The following GAD2 variants were observed in gnomAD, a reference collection of about 807,000 sequenced individuals.
GAD2 encodes 65 kDa glutamic acid decarboxylase.
A neutral mutation model predicts 80.1 loss-of-function variants in GAD2; 22 were observed. That is an observed-to-expected ratio of 0.27 (90% CI 0.20 to 0.39). The LOEUF is 0.39. GAD2 is among the 10% of genes least tolerant of loss of function. GAD2 has a pLI of 1.00. For missense variants in GAD2, 624 were observed against 738.4 expected (o/e 0.85, Z 1.80); for synonymous variants, 274 against 256.9 (o/e 1.07, Z -0.64).
rs368248924 is a variant in GAD2 at position 26,300,781 on chromosome 10, C to T, written c.1585-7C>T. 5.6e-6 allele frequency: 9 copies of T among 1,613,072 alleles called. No individual in the cohort carries two copies. In the African/African-American group the frequency reaches 9.3e-5, roughly 17 times the overall value. ...AAGTCACCATGCTGATATGGTCTGT[C>T]CCACAGGTGGCTCCAGTGATTAAAG... is the stretch of plus-strand genomic sequence containing the variant. On this transcript the variant is annotated splice_polypyrimidine_tract_variant and splice_region_variant and intron_variant, in intron 15 of 15. Coordinates refer to ENST00000376261, the MANE Select transcript of GAD2 (RefSeq NM_001134366.2).
intron 6 of GAD2, among the ~76,000 whole-genome samples, chr10:26,224,946 A>C (rs1439682779): frequency 6.6e-6 from 1 of 152,214 alleles, no homozygotes; most frequent in African/African-American, 2.4e-5. Flanking sequence ...ATGTGGAACA[A>C]AGGAATCAAG....
rs562451842 is a variant in GAD2 at position 26,301,357 on chromosome 10, A to T, written c.*396A>T. The T allele has an allele frequency of 2.0e-5, 3 of 153,450 alleles. No homozygotes were observed. The highest frequency in any genetic ancestry group is 2.9e-5 in the Non-Finnish European group (2 of 68,870). 9.5% of individuals were successfully genotyped at this position (153,450 alleles called of 1,614,324 possible). On this transcript the variant is annotated 3_prime_UTR_variant, in exon 16 of 16. Transcript: ENST00000376261. ...AAAGGACAAAGTAAATATAAAATATATGTTGACAATAAAAACTCTTGCCTT... is the reference window on the plus strand; with the variant it reads ...AAAGGACAAAGTAAATATAAAATATTTGTTGACAATAAAAACTCTTGCCTT...
At chr10:26,298,719 G>C (rs762307484) in intron 15 of GAD2, among the ~76,000 whole-genome samples, 4 of 152,158 alleles carry the variant, frequency 2.6e-5, no homozygotes, top group Non-Finnish European at 5.9e-5. Context: ...ACTAAGGAAT[G>C]GTTATGTGAC....
At chr10:26,249,860 A>C (rs966319465) in intron 8 of GAD2, among the ~76,000 whole-genome samples, 2 of 152,188 alleles carry the variant, frequency 1.3e-5, no homozygotes, top group African/African-American at 4.8e-5. Flanking sequence ...GGTGGGGGAA[A>C]GGGACCATGG....
At chr10:26,241,775 G>A (rs1207780548) in intron 7 of GAD2, among the ~76,000 whole-genome samples, 1 of 152,082 alleles carries the variant, frequency 6.6e-6, no homozygotes, top group Non-Finnish European at 1.5e-5. Context: ...CTTGCATTGA[G>A]GGGAAGAGGG....
intron 8 of GAD2, among the ~76,000 whole-genome samples, chr10:26,250,520 G>A (rs6482544): frequency 0.051 from 7,820 of 152,022 alleles, 645 homozygotes; most frequent in African/African-American, 0.18. Flanking sequence ...AGGAGGGGTC[G>A]GGAGAGGCAG....
chr10:26,233,966 T>C (rs1041267214), intron 7 of GAD2, among the ~76,000 whole-genome samples: 4 of 152,192 alleles, frequency 2.6e-5, no homozygotes, highest in Non-Finnish European at 4.4e-5. Flanking sequence ...GAGAGCCTTA[T>C]AGAACTTGTG....
At chr10:26,229,463 T>TGTGACAGTGGC (rs1206866635) in intron 6 of GAD2, among the ~76,000 whole-genome samples, 199 bp from the exon 7 acceptor site, 1 of 152,112 alleles carries the variant, frequency 6.6e-6, no homozygotes, top group African/African-American at 2.4e-5. Flanking sequence ...TGAGATGGGG[T>TGTGACAGTGGC]GTGACAGTGG....
intron 8 of GAD2, among the ~76,000 whole-genome samples, chr10:26,257,571 T>A (rs1427962329): frequency 6.6e-5 from 10 of 152,200 alleles, no homozygotes; most frequent in African/African-American, 2.4e-4. Context: ...ACAAGAGTCA[T>A]TGGCTTTCCT....
chr10:26,276,680 G>A (rs371633742), intron 11 of GAD2, among the ~76,000 whole-genome samples: 3 of 152,174 alleles, frequency 2.0e-5, no homozygotes, highest in East Asian at 1.9e-4. Context: ...GAGCCACCGC[G>A]CCGGCTTCTG....
chr10:26,221,178 C>T (rs1190486169), intron 4 of GAD2, among the ~76,000 whole-genome samples: 1 of 152,172 alleles, frequency 6.6e-6, no homozygotes, highest in Non-Finnish European at 1.5e-5. Context: ...TCATCTAATG[C>T]TATTTAGGGT....
intron 11 of GAD2, among the ~76,000 whole-genome samples, chr10:26,277,910 G>T (rs1312592961): frequency 6.6e-6 from 1 of 152,082 alleles, no homozygotes; most frequent in Non-Finnish European, 1.5e-5. Context: ...GCGGGATTCA[G>T]TTCTCTCCAA....
intron 4 of GAD2, among the ~76,000 whole-genome samples, chr10:26,223,199 T>G (rs1308697504): frequency 6.6e-6 from 1 of 152,242 alleles, no homozygotes; most frequent in Non-Finnish European, 1.5e-5. Flanking sequence ...TATGTGGCCT[T>G]ATTTTAAATC....
intron 12 of GAD2, among the ~76,000 whole-genome samples, chr10:26,283,461 G>A (rs1845296010): frequency 6.6e-6 from 1 of 152,230 alleles, no homozygotes; most frequent in African/African-American, 2.4e-5. Flanking sequence ...CAGCTAAATT[G>A]TTGGACTTGT....
intron 13 of GAD2, among the ~76,000 whole-genome samples, chr10:26,288,179 G>C (rs1006378106): frequency 1.3e-5 from 2 of 152,098 alleles, no homozygotes; most frequent in Middle Eastern, 3.2e-3. Flanking sequence ...GTCCATTCTG[G>C]CAAAAAGATG....
intron 7 of GAD2, among the ~76,000 whole-genome samples, chr10:26,240,746 AT>A (rs1844731486): frequency 6.7e-6 from 1 of 149,614 alleles, no homozygotes; most frequent in Admixed American, 6.7e-5. Flanking sequence ...AAAAAAAAAA[AT>A]GTGGATGGGT....
intron 8 of GAD2, among the ~76,000 whole-genome samples, chr10:26,249,190 G>C (rs897124313): frequency 2.6e-5 from 4 of 152,168 alleles, no homozygotes; most frequent in Non-Finnish European, 4.4e-5. Context: ...AGCCTCCCTA[G>C]TAGCTGGGAC....
chr10:26,225,220 C>T (rs898722780), intron 6 of GAD2, among the ~76,000 whole-genome samples: 18 of 152,300 alleles, frequency 1.2e-4, no homozygotes, highest in Non-Finnish European at 1.8e-4. Context: ...GATTTCTCAT[C>T]CCTTCTCTTC....
intron 13 of GAD2, among the ~76,000 whole-genome samples, chr10:26,291,718 G>T (rs1396017596): frequency 6.6e-6 from 1 of 152,140 alleles, no homozygotes; most frequent in Admixed American, 6.5e-5. Context: ...GAGATAAGAG[G>T]AAAGCCATTT....
Sources: allele counts gnomAD v4.1 joint callset (sites outside exome capture counted in the v4.1 genomes callset), GRCh38; gene constraint gnomAD v4.1.1; transcripts MANE v1.5; gene names NCBI Gene and HGNC (gene_info 2026-07-23, HGNC 2026-07-21).